GABRA2: variants seen among roughly 807,000 people sequenced by gnomAD.
GABRA2 encodes gamma-aminobutyric acid receptor subunit alpha-2.
Under a neutral mutation model 48.7 loss-of-function variants are expected in GABRA2, and 16 were observed. The ratio of observed to expected loss-of-function variants is 0.33; its 90% CI spans 0.22 to 0.50. The LOEUF (loss-of-function observed/expected upper bound fraction) is 0.50, where lower values mean the gene tolerates loss of function less well. Ranked by LOEUF, GABRA2 falls within the 20% of genes least tolerant of loss-of-function variation. The pLI, the probability that GABRA2 is intolerant of heterozygous loss-of-function variation, is 0.98. For missense variants in GABRA2, 275 were observed against 535.6 expected, an observed-to-expected ratio of 0.51 and a Z score of 4.80; for synonymous variants, 185 against 184.5, an observed-to-expected ratio of 1.00 and a Z score of -0.02.
intron 7 of GABRA2, among the ~76,000 whole-genome samples, chr4:46,303,829 T>C (rs538917743): frequency 6.6e-6 from 1 of 152,192 alleles, no homozygotes; most frequent in Non-Finnish European, 1.5e-5. Context: ...TCACGTCCCA[T>C]GATATTGTAC....
At chr4:46,260,365 C>T (rs1442978174) in intron 9 of GABRA2, among the ~76,000 whole-genome samples, 1 of 151,846 alleles carries the variant, frequency 6.6e-6, no homozygotes, top group Non-Finnish European at 1.5e-5. Context: ...AGACTTAAAT[C>T]CACTATACAT....
At chr4:46,371,429 A>C (rs1050004437) in intron 3 of GABRA2, among the ~76,000 whole-genome samples, 2 of 152,124 alleles carry the variant, frequency 1.3e-5, no homozygotes, top group Non-Finnish European at 2.9e-5. Flanking sequence ...TTTTATAATC[A>C]ATTATTCTTG....
At chr4:46,260,644 T>TA (rs1402691977) in intron 9 of GABRA2, 1 of 151,808 alleles carries the variant, frequency 6.6e-6, no homozygotes, top group Non-Finnish European at 1.5e-5. Context: ...CAATATACCT[T>TA]AAAAAATAAT....
chr4:46,318,079 T>C (rs1426735127), intron 4 of GABRA2, among the ~76,000 whole-genome samples: 1 of 151,514 alleles, frequency 6.6e-6, no homozygotes, highest in Non-Finnish European at 1.5e-5. Context: ...AAGGCAAGTA[T>C]TAATGTGATA....
intron 3 of GABRA2, among the ~76,000 whole-genome samples, chr4:46,353,384 A>G (rs1351681642): frequency 6.6e-6 from 1 of 152,134 alleles, no homozygotes; most frequent in Non-Finnish European, 1.5e-5. Flanking sequence ...CACCACTGCA[A>G]ACAGACTGGG....
rs771936342 is a variant in GABRA2 at position 46,249,682 on chromosome 4, A to G, written c.*626T>C. ...GACATTCCAATAGTTATTACATCGTAGGCATAATTAACATCCTTTCGGGCT... is the reference window on the plus strand; with the variant it reads ...GACATTCCAATAGTTATTACATCGTGGGCATAATTAACATCCTTTCGGGCT... On this transcript the variant is annotated 3_prime_UTR_variant, in exon 10 of 10. Coordinates refer to ENST00000381620, the MANE Select transcript of GABRA2 (RefSeq NM_000807.4). The G allele has an allele frequency of 1.3e-5, 2 of 151,514 alleles. No homozygotes were observed. Among genetic ancestry groups the G allele is most frequent in the Non-Finnish European group, 3.0e-5 (2 of 67,690 alleles). The allele number at this position is 151,514 out of a possible 1,614,324, so 9.4% of individuals were successfully genotyped here.
intron 9 of GABRA2, chr4:46,261,513 TAACAGTC>T (rs1716974662): frequency 4.2e-6 from 1 of 235,468 alleles, no homozygotes; most frequent in South Asian, 8.3e-5. Context: ...ACCATGAACT[TAACAGTC>T]AGACAGGTAG....
chr4:46,350,242 T>A (rs899856386), intron 3 of GABRA2, among the ~76,000 whole-genome samples: 2 of 151,932 alleles, frequency 1.3e-5, no homozygotes, highest in Non-Finnish European at 2.9e-5. Context: ...TTATTTAGCT[T>A]ATACCAGTAT....
chr4:46,269,894 T>A (rs1456169281), intron 8 of GABRA2, among the ~76,000 whole-genome samples: 1 of 151,924 alleles, frequency 6.6e-6, no homozygotes, highest in Non-Finnish European at 1.5e-5. Context: ...ATAAAAATAA[T>A]ACAACAATTT....
chr4:46,336,256 T>A (rs1308964609), intron 3 of GABRA2, among the ~76,000 whole-genome samples: 1 of 152,172 alleles, frequency 6.6e-6, no homozygotes, highest in Non-Finnish European at 1.5e-5. Flanking sequence ...TAGCTGTTAC[T>A]AGTCATGAGG....
At chr4:46,301,496 T>G (rs1725726929) in intron 8 of GABRA2, among the ~76,000 whole-genome samples, 1 of 152,138 alleles carries the variant, frequency 6.6e-6, no homozygotes, top group South Asian at 2.1e-4. Context: ...CTCAAACTAT[T>G]TTCTATCTAT....
Position 46,250,156 on chromosome 4 carries a change from T to C in GABRA2, c.*152A>G. On this transcript the variant is annotated 3_prime_UTR_variant, in exon 10 of 10. Transcript: ENST00000381620. ...GCAGTTCCATGAGTTAGCAAATGCATGTCTCCATTAAAGGTCTACTGGTAA... is the reference window on the plus strand; with the variant it reads ...GCAGTTCCATGAGTTAGCAAATGCACGTCTCCATTAAAGGTCTACTGGTAA... 1 of 611,064 alleles carries C rather than the reference T, an allele frequency of 1.6e-6. No homozygotes were observed. The highest frequency in any genetic ancestry group is 2.8e-6 in the Non-Finnish European group (1 of 359,336). The allele number at this position is 611,064 out of a possible 1,614,324, so 37.9% of individuals were successfully genotyped here.
At position 46,312,565 on chromosome 4, in the gene GABRA2, G is replaced by A. The variant is rs1727829614; in HGVS notation, c.407C>T (p.Ala136Val). The A allele has an allele frequency of 1.9e-6, 3 of 1,601,992 alleles. No homozygotes were observed. Among genetic ancestry groups the A allele is most frequent in the Non-Finnish European group, 2.6e-6 (3 of 1,176,100 alleles). ...TFFHNGKKSV[A>V]HNMTMPNKLL... ...CTTATTTGGCATTGTCATATTATGA[G>A]CTACTGATTTTTTCCCATTGTGAAA... Residue 136 changes from alanine to valine, a missense_variant, in exon 5 of 10, where the codon GCT (alanine) becomes GTT (valine). Coordinates refer to ENST00000381620, the MANE Select transcript of GABRA2 (RefSeq NM_000807.4).
chr4:46,389,346 G>A (rs199736748), intron 1 of GABRA2: 1 of 985,208 alleles, frequency 1.0e-6, no homozygotes, highest in African/African-American at 1.7e-5. Flanking sequence ...AGAGGCAGCC[G>A]GGTTCCGATC....
chr4:46,307,526 A>T (rs1341323445), intron 6 of GABRA2, among the ~76,000 whole-genome samples: 1 of 152,068 alleles, frequency 6.6e-6, no homozygotes, highest in East Asian at 1.9e-4. Flanking sequence ...AAACCCTATA[A>T]AAGAGATGAC....
At chr4:46,352,032 C>G (rs1735216421) in intron 3 of GABRA2, among the ~76,000 whole-genome samples, 1 of 151,502 alleles carries the variant, frequency 6.6e-6, no homozygotes, top group Non-Finnish European at 1.5e-5. Context: ...GTCTTTTAAG[C>G]TGCTGTTTCA....
chr4:46,301,574 C>A (rs943953646), intron 8 of GABRA2, among the ~76,000 whole-genome samples: 2 of 152,170 alleles, frequency 1.3e-5, no homozygotes, highest in South Asian at 4.1e-4. Context: ...CTTAATGTCA[C>A]TGCACAATCT....
At chr4:46,292,260 A>T (rs113662693) in intron 8 of GABRA2, among the ~76,000 whole-genome samples, 3 of 152,204 alleles carry the variant, frequency 2.0e-5, no homozygotes, top group African/African-American at 7.2e-5. Context: ...CTGAGCCTCA[A>T]ATCCGCTAAG....
intron 9 of GABRA2, among the ~76,000 whole-genome samples, chr4:46,260,402 G>A (rs971180027): frequency 1.1e-4 from 17 of 151,784 alleles, no homozygotes; most frequent in African/African-American, 4.1e-4. Flanking sequence ...CTTTTATAGA[G>A]CATTATCAAT....
Sources: allele counts gnomAD v4.1 joint callset (sites outside exome capture counted in the v4.1 genomes callset), GRCh38; gene constraint gnomAD v4.1.1; transcripts MANE v1.5; gene names NCBI Gene and HGNC (gene_info 2026-07-23, HGNC 2026-07-21).